PITPNM1: variants seen among roughly 807,000 people sequenced by gnomAD.
PITPNM1 encodes phosphatidylinositol transfer protein membrane associated 1.
PITPNM1 carries 74 observed loss-of-function variants against 133.3 expected under a neutral mutation model. That is an observed-to-expected ratio of 0.56 (90% CI 0.46 to 0.67). The LOEUF (loss-of-function observed/expected upper bound fraction) is 0.67, where lower values mean the gene tolerates loss of function less well. Among genes scored for constraint, PITPNM1 ranks in the 30% least tolerant of loss-of-function variants. The probability of loss-of-function intolerance (pLI) is 0.00; values close to 1 mark genes in which losing one functional copy is unlikely to be tolerated. For synonymous variants in PITPNM1, 738 were observed against 741.4 expected (o/e 1.00, Z 0.08); for missense variants, 1,398 against 1,739.5 (o/e 0.80, Z 3.49).
In PITPNM1 at chr11:67,502,290, A is replaced by G. The variant is rs1591065861; in HGVS notation, c.415+2T>C. On this transcript the variant is annotated splice_donor_variant, in intron 4 of 23. Coordinates refer to ENST00000356404, the MANE Select transcript of PITPNM1 (RefSeq NM_004910.3). LOFTEE classifies it high-confidence loss of function. The surrounding 1 kb of genome is among the most constrained non-coding windows in gnomAD (Gnocchi z 5.9). ...GGGTCCCCCCATAGCTCCAGGCCTC[A>G]CCCAGGATGCGCTGTCTCCTCTCGG... The G allele has an allele frequency of 6.2e-7, 1 of 1,612,712 alleles. No individual in the cohort carries two copies. The highest frequency in any genetic ancestry group is 2.2e-5 in the East Asian group (1 of 44,880).
chr11:67,492,345 C>T, intron 23 of PITPNM1, 49 bp from the exon 24 acceptor site: 1 of 1,495,010 alleles, frequency 6.7e-7, no homozygotes, highest in Non-Finnish European at 8.9e-7. Context: ...CAAGGGCCCA[C>T]ACGCTGCCCT....
chr11:67,495,180 T>C lies in PITPNM1; in HGVS notation c.2528A>G (p.Tyr843Cys), dbSNP rs774933273. 6.2e-7 allele frequency: 1 copy of C among 1,610,420 alleles called. No homozygotes were observed. Among genetic ancestry groups the C allele is most frequent in the South Asian group, 1.1e-5 (1 of 91,036 alleles). ...WGTKRIDYSLYCPEALTAFPT... is the reference protein window; with the variant it reads ...WGTKRIDYSLCCPEALTAFPT... Reference sequence around the variant, plus strand: ...AAAGGCGGTGAGCGCCTCGGGGCAGTACAGCGAGTAGTCGATCCGCTTGGT... The same window carrying C: ...AAAGGCGGTGAGCGCCTCGGGGCAGCACAGCGAGTAGTCGATCCGCTTGGT... The change falls in exon 17 of 24, where the codon TAC becomes TGC. Residue 843 changes from tyrosine to cysteine, a missense_variant. Coordinates refer to ENST00000356404, the MANE Select transcript of PITPNM1 (RefSeq NM_004910.3).
chr11:67,500,235 G>T lies in PITPNM1; in HGVS notation c.827C>A (p.Thr276Asn). 1 of 1,605,252 alleles carries T rather than the reference G, an allele frequency of 6.2e-7. No homozygotes were observed. The highest frequency in any genetic ancestry group is 8.5e-7 in the Non-Finnish European group (1 of 1,179,778). The change falls in exon 6 of 24, where the codon ACC becomes AAC. Residue 276 changes from threonine (T) to asparagine (N), a missense_variant. By Grantham distance (65) the Thr-to-Asn change is moderately conservative (BLOSUM62 0). Around this residue, in one of 5 missense-constraint regions of PITPNM1, gnomAD observed 195 missense variants for 178.8 expected, o/e 1.09. Transcript: ENST00000356404. Reference protein sequence around the residue: ...SEAQPPGKPSTEARSAASNTG... With the variant: ...SEAQPPGKPSNEARSAASNTG... ...GTTGCTGGCCGCAGACCGGGCCTCG[G>T]TGCTCGGTTTCCCGGGGGGCTGGGC...
At chr11:67,494,430 G>A (rs1263301612) in intron 18 of PITPNM1, 70 bp from the exon 19 acceptor site, 2 of 1,108,970 alleles carry the variant, frequency 1.8e-6, no homozygotes, top group Non-Finnish European at 2.6e-6. Context: ...GGGAGCGGGT[G>A]AGGATCCACA....
rs544372362 is a variant in PITPNM1 at position 67,497,340 on chromosome 11, G to A, written c.2037C>T (p.Gly679=). The change falls in exon 14 of 24, where the codon GGC becomes GGT. Residue 679 remains glycine (G), a synonymous_variant. Transcript: ENST00000356404. ...PPAASSEAPD[G]PSSTARLDFK... ...AGTCAAGGCGGGCAGTGCTGCTGGG[G>A]CCGTCAGGTGCCTCGGAACTGGCAG... 4 of 1,608,984 alleles carry A rather than the reference G, an allele frequency of 2.5e-6. No individual in the cohort carries two copies. Among genetic ancestry groups the A allele is most frequent in the South Asian group, 2.2e-5 (2 of 90,914 alleles).
In PITPNM1 at chr11:67,498,995, C is replaced by CA; in HGVS notation, c.1177_1178insT (p.Gly393ValfsTer6). On this transcript the variant is annotated frameshift_variant, in exon 9 of 24. Coordinates refer to ENST00000356404, the MANE Select transcript of PITPNM1 (RefSeq NM_004910.3). LOFTEE classifies it high-confidence loss of function. The surrounding 1 kb of genome is among the most constrained non-coding windows in gnomAD (Gnocchi z 5.7). ...CTCAATGCCTTTAGCTGCCTCGGCT[C>CA]CAGGCTCTGCAGGGCAACGAAGCCA... 6.2e-7 allele frequency: 1 copy of CA among 1,611,524 alleles called. No homozygotes were observed. The highest frequency in any genetic ancestry group is 8.5e-7 in the Non-Finnish European group (1 of 1,179,172).
At chr11:67,494,739 A>C in intron 18 of PITPNM1, 107 bp downstream of exon 18, 2 of 653,730 alleles carry the variant, frequency 3.1e-6, no homozygotes, top group Admixed American at 2.5e-5. Flanking sequence ...AGAGAGTTGG[A>C]TCGGCTAGGA....
rs1163038246 is a variant in PITPNM1 at position 67,493,423 on chromosome 11, C to G, written c.3329G>C (p.Ser1110Thr). 6.3e-7 allele frequency: 1 copy of G among 1,593,220 alleles called. No homozygotes were observed. Among genetic ancestry groups the G allele is most frequent in the African/African-American group, 1.3e-5 (1 of 74,648 alleles). Reference sequence around the variant, plus strand: ...CAGCCGCCGCACCTCCTGCACCAGGCTCTGCAGAAACATTGCCTTCTGGCG... The same window carrying G: ...CAGCCGCCGCACCTCCTGCACCAGGGTCTGCAGAAACATTGCCTTCTGGCG... ...PLRQKAMFLQ[S>T]LVQEVELNIV... is the part of the protein sequence containing the mutation. The change falls in exon 22 of 24, where the codon AGC becomes ACC. Residue 1110 changes from serine (S) to threonine (T), a missense_variant. Transcript: ENST00000356404.
In PITPNM1 at chr11:67,493,460, G is replaced by T. The variant is rs1866002966; in HGVS notation, c.3292C>A (p.His1098Asn). 1 of 1,605,746 alleles carries T rather than the reference G, an allele frequency of 6.2e-7. No individual in the cohort carries two copies. Among genetic ancestry groups the T allele is most frequent in the Admixed American group, 1.7e-5 (1 of 59,302 alleles). The part of the protein sequence containing the change: ...GVVSFCDGLT[H>N]DPLRQKAMFL... Reference sequence around the variant, plus strand: ...ATTGCCTTCTGGCGTAGTGGGTCGTGGGTGAGGCCGTCGCAGAAGGAGACG... The same window carrying T: ...ATTGCCTTCTGGCGTAGTGGGTCGTTGGTGAGGCCGTCGCAGAAGGAGACG... The change falls in exon 22 of 24, where the codon CAC becomes AAC. Residue 1098 changes from histidine to asparagine, a missense_variant. His to Asn is a moderately conservative substitution (Grantham distance 68). Coordinates refer to ENST00000356404, the MANE Select transcript of PITPNM1 (RefSeq NM_004910.3).
Position 67,493,403 on chromosome 11 carries a change from G to A in PITPNM1, c.3342+7C>T, listed in dbSNP as rs1446807195. On this transcript the variant is annotated splice_region_variant and intron_variant, in intron 22 of 23. Coordinates refer to ENST00000356404, the MANE Select transcript of PITPNM1 (RefSeq NM_004910.3). ...TCAGGACCCGGAGCCTCCCCCAGCC[G>A]CCGCACCTCCTGCACCAGGCTCTGC... The A allele has an allele frequency of 1.3e-6, 2 of 1,570,694 alleles. No homozygotes were observed. The highest frequency in any genetic ancestry group is 1.7e-6 in the Non-Finnish European group (2 of 1,153,534).
At chr11:67,497,719 G>C in intron 12 of PITPNM1, 40 bp from the exon 13 acceptor site, 1 of 1,599,916 alleles carries the variant, frequency 6.3e-7, no homozygotes, top group Non-Finnish European at 8.5e-7. Context: ...TAGGCCTGGG[G>C]ACCATTCGAA....
rs988076910 is a variant in PITPNM1 at position 67,493,393 on chromosome 11, T to C, written c.3342+17A>G. 1.9e-6 allele frequency: 3 copies of C among 1,551,636 alleles called. No homozygotes were observed. The highest frequency in any genetic ancestry group is 2.6e-6 in the Non-Finnish European group (3 of 1,143,954). On this transcript the variant is annotated intron_variant, in intron 22 of 23. Coordinates refer to ENST00000356404, the MANE Select transcript of PITPNM1 (RefSeq NM_004910.3). ...GGGGGCGGGGTCAGGACCCGGAGCC[T>C]CCCCCAGCCGCCGCACCTCCTGCAC...
At chr11:67,495,731 T>A in intron 15 of PITPNM1, 129 bp from the exon 16 acceptor site, 1 of 879,780 alleles carries the variant, frequency 1.1e-6, no homozygotes, top group Non-Finnish European at 1.6e-6. Context: ...GGCTGCACTG[T>A]GGCATTCTCT....
chr11:67,495,036 C>T, intron 17 of PITPNM1, 41 bp downstream of exon 17: 1 of 1,610,798 alleles, frequency 6.2e-7, no homozygotes, highest in Non-Finnish European at 8.5e-7. Flanking sequence ...CAGCCCATCC[C>T]CGTCCCATTC....
intron 2 of PITPNM1, chr11:67,503,894 A>G: frequency 2.0e-6 from 1 of 488,198 alleles, no homozygotes; most frequent in Non-Finnish European, 3.7e-6. Flanking sequence ...GGATTACAGG[A>G]GATCAGAGGA....
chr11:67,501,113 G>A (rs1215512756), intron 5 of PITPNM1, among the ~76,000 whole-genome samples: 1 of 152,244 alleles, frequency 6.6e-6, no homozygotes, highest in Non-Finnish European at 1.5e-5. Flanking sequence ...CTGGTGGGGT[G>A]TTGTGGGTGT....
Position 67,502,651 on chromosome 11 carries a change from G to T in PITPNM1, c.146C>A (p.Thr49Lys). 1 of 1,613,536 alleles carries T rather than the reference G, an allele frequency of 6.2e-7. No homozygotes were observed. The highest frequency in any genetic ancestry group is 8.5e-7 in the Non-Finnish European group (1 of 1,180,022). Residue 49 changes from threonine (T) to lysine (K), a missense_variant, in exon 3 of 24, where the codon ACG (threonine) becomes AAG (lysine). Transcript: ENST00000356404. The surrounding 1 kb of genome is among the most constrained non-coding windows in gnomAD (Gnocchi z 5.9). ...GVEILANRPYTDGPGGSGQYT... is the reference protein window; with the variant it reads ...GVEILANRPYKDGPGGSGQYT... ...TTGCCCGCTGCCCCCGGGCCCATCC[G>T]TGTAGGGCCGGTTGGCCAGGATCTC... is the stretch of plus-strand genomic sequence containing the variant.
chr11:67,497,148 C>T (rs1400973643), intron 14 of PITPNM1, 83 bp downstream of exon 14: 19 of 1,191,090 alleles, frequency 1.6e-5, no homozygotes, highest in East Asian at 1.5e-4. Flanking sequence ...GCTCATGCCT[C>T]GGATGAGAGG....
At chr11:67,496,652 T>C (rs1866131143) in intron 14 of PITPNM1, 1 of 340,406 alleles carries the variant, frequency 2.9e-6, no homozygotes, top group Non-Finnish European at 5.3e-6. Context: ...ATACAAAAAT[T>C]AGCTGGGTTC....
Sources: gnomAD v4.1 joint callset for allele counts (sites outside exome capture counted in the v4.1 genomes callset) on GRCh38, gnomAD v4.1.1 for gene constraint, gnomAD v4.1.1 regional missense constraint, Gnocchi (gnomAD v3.1) non-coding constraint, MANE v1.5 for transcripts, NCBI Gene and HGNC (gene_info 2026-07-23, HGNC 2026-07-21) for gene names.